PLAC1: variants seen among roughly 807,000 people sequenced by gnomAD.
PLAC1 encodes placenta-specific protein 1.
For synonymous variants in PLAC1, 68 were observed against 62.1 expected (o/e 1.09, Z -0.44); for missense variants, 136 against 163.2 (o/e 0.83, Z 0.91).
chrX:134,756,704 C>T (rs1325479401), intron 1 of PLAC1, among the ~76,000 whole-genome samples: 1 of 109,895 alleles, frequency 9.1e-6, no homozygotes, highest in Non-Finnish European at 1.9e-5. Flanking sequence ...AAAAAATTGG[C>T]CAGGCGTGGT....
chrX:134,678,494 C>A lies in PLAC1; in HGVS notation n.174+54941G>T, dbSNP rs562087999. On this transcript the variant is annotated intron_variant and non_coding_transcript_variant, in intron 2 of 2. Coordinates refer to the PLAC1 transcript ENST00000466797. ...TCTTCCAAGAGGATTTCCCTGAGCG[C>A]CCTATCAAAAGTAGCATACCCCATC... Among the ~76,000 whole-genome samples, 13 of 111,960 alleles carry A rather than the reference C, an allele frequency of 1.2e-4. No homozygotes were observed. The South Asian group carries it at 4.9e-3, about 42-fold the overall frequency.
At chrX:134,582,159 A>G (rs1228208387) in intron 2 of PLAC1, among the ~76,000 whole-genome samples, 1 of 112,182 alleles carries the variant, frequency 8.9e-6, no homozygotes, top group Non-Finnish European at 1.9e-5. Flanking sequence ...GGAAAAAGAA[A>G]CTCTGGCACA....
intron 2 of PLAC1, among the ~76,000 whole-genome samples, chrX:134,672,817 A>G (rs1261277546): frequency 3.5e-5 from 4 of 112,727 alleles, no homozygotes; most frequent in Non-Finnish European, 5.6e-5. Context: ...GGGTGAGAAG[A>G]TTTCAGAATG....
intron 2 of PLAC1, among the ~76,000 whole-genome samples, chrX:134,677,937 A>G (rs2078481035): frequency 9.0e-6 from 1 of 111,060 alleles, no homozygotes; most frequent in Non-Finnish European, 1.9e-5. Flanking sequence ...AATTCTGGAT[A>G]TATTTTGAAT....
chrX:134,643,833 C>G (rs1245538126), intron 1 of PLAC1, among the ~76,000 whole-genome samples: 2 of 110,051 alleles, frequency 1.8e-5, no homozygotes, highest in Non-Finnish European at 3.8e-5. Context: ...AACACAGTCT[C>G]CAAAGCTAAG....
chrX:134,631,537 C>T (rs1006451372), intron 1 of PLAC1, among the ~76,000 whole-genome samples: 3 of 111,822 alleles, frequency 2.7e-5, no homozygotes, highest in East Asian at 2.8e-4. Flanking sequence ...ACCCAACACT[C>T]CAAACACCAA....
chrX:134,664,260 G>A (rs1288482586), intron 2 of PLAC1, among the ~76,000 whole-genome samples: 2 of 112,124 alleles, frequency 1.8e-5, no homozygotes, highest in East Asian at 5.6e-4. Context: ...GTTCCCCGGA[G>A]ATGCTAATGC....
At chrX:134,617,976 G>A in intron 1 of PLAC1, among the ~76,000 whole-genome samples, 1 of 111,938 alleles carries the variant, frequency 8.9e-6, no homozygotes, top group Non-Finnish European at 1.9e-5. Flanking sequence ...GCTGTTTTGA[G>A]GATAAAATGA....
intron 1 of PLAC1, among the ~76,000 whole-genome samples, chrX:134,631,609 G>A (rs952469810): frequency 1.8e-5 from 2 of 111,661 alleles, no homozygotes; most frequent in African/African-American, 6.5e-5. Context: ...GGGCGTGGGG[G>A]TTGGATTGAG....
intron 1 of PLAC1, among the ~76,000 whole-genome samples, chrX:134,640,012 A>G (rs1253297262): frequency 8.9e-6 from 1 of 111,842 alleles, no homozygotes; most frequent in Non-Finnish European, 1.9e-5. Flanking sequence ...CCTTTTGGCT[A>G]TTGTGAGTAG....
intron 1 of PLAC1, among the ~76,000 whole-genome samples, chrX:134,618,635 T>C (rs1490339217): frequency 8.9e-6 from 1 of 111,865 alleles, no homozygotes; most frequent in African/African-American, 3.3e-5. Flanking sequence ...AGGCTGGTCT[T>C]GAATTCCTGG....
intron 2 of PLAC1, among the ~76,000 whole-genome samples, chrX:134,725,001 CA>C (rs5903883): frequency 0.015 from 1,367 of 91,553 alleles, 10 homozygotes; most frequent in East Asian, 0.02. Context: ...GACCCTGTCT[CA>C]AAAAAAAAAA....
chrX:134,568,970 CCT>C (rs1299551666), intron 2 of PLAC1, among the ~76,000 whole-genome samples: 1 of 110,515 alleles, frequency 9.0e-6, no homozygotes, highest in Non-Finnish European at 1.9e-5. Context: ...TTCTCTCTCT[CCT>C]TCTTTCCTTC....
chrX:134,608,219 A>G (rs2078132366), intron 1 of PLAC1, among the ~76,000 whole-genome samples: 1 of 111,923 alleles, frequency 8.9e-6, no homozygotes, highest in African/African-American at 3.2e-5. Flanking sequence ...TCAAACAAAA[A>G]CTTGTATCCC....
chrX:134,638,851 C>T (rs765222930), intron 1 of PLAC1, among the ~76,000 whole-genome samples: 6 of 110,868 alleles, frequency 5.4e-5, no homozygotes, highest in Non-Finnish European at 7.5e-5. Flanking sequence ...CTTTGTGTCA[C>T]GGGAGTTTGG....
chrX:134,599,602 C>T (rs1234342041), intron 2 of PLAC1: 1 of 111,888 alleles, frequency 8.9e-6, no homozygotes, highest in Non-Finnish European at 1.9e-5. Flanking sequence ...TGAGAACAGA[C>T]TAATATATCT....
At chrX:134,595,850 C>A (rs1203671684) in intron 2 of PLAC1, among the ~76,000 whole-genome samples, 12 of 109,682 alleles carry the variant, frequency 1.1e-4, no homozygotes, top group Admixed American at 1.1e-3. Flanking sequence ...TGTATTTAGA[C>A]CTTATATACA....
chrX:134,693,194 C>G (rs2078550198), intron 2 of PLAC1, among the ~76,000 whole-genome samples: 1 of 111,227 alleles, frequency 9.0e-6, no homozygotes, highest in African/African-American at 3.3e-5. Context: ...CCTGACTCAT[C>G]CATGTCTTGG....
intron 1 of PLAC1, among the ~76,000 whole-genome samples, chrX:134,750,373 T>C (rs751598802): frequency 9.1e-6 from 1 of 110,051 alleles, no homozygotes; most frequent in Admixed American, 9.8e-5. Context: ...TCCCAATCTT[T>C]CTCCTCGGGT....
Sources: allele counts gnomAD v4.1 joint callset (sites outside exome capture counted in the v4.1 genomes callset), GRCh38; gene constraint gnomAD v4.1.1; transcripts MANE v1.5; gene names NCBI Gene and HGNC (gene_info 2026-07-23, HGNC 2026-07-21).